Variants in AMPH observed in about 807,000 individuals in gnomAD.
AMPH encodes the protein amphiphysin.
A neutral mutation model predicts 99.1 loss-of-function variants in AMPH; 49 were observed. The observed-to-expected ratio is 0.49, with a 90% confidence interval of 0.39 to 0.63. AMPH has a LOEUF of 0.63. Among genes scored for constraint, AMPH ranks in the 20% least tolerant of loss-of-function variants. AMPH has a pLI of 0.00. For synonymous variants in AMPH, 314 were observed against 317.3 expected (o/e 0.99, Z 0.11); for missense variants, 759 against 863.4 (o/e 0.88, Z 1.52).
At chr7:38,408,725 T>C (rs956728570) in intron 17 of AMPH, among the ~76,000 whole-genome samples, 8 of 133,746 alleles carry the variant, frequency 6.0e-5, no homozygotes, top group African/African-American at 2.3e-4. Flanking sequence ...CACTTCAGCC[T>C]GGGTGACAGA....
At chr7:38,580,209 GA>G (rs1332119370) in intron 1 of AMPH, among the ~76,000 whole-genome samples, 7 of 152,034 alleles carry the variant, frequency 4.6e-5, no homozygotes, top group Non-Finnish European at 7.4e-5. Flanking sequence ...GAGGAAAGAT[GA>G]AAAAAATTAA....
intron 6 of AMPH, among the ~76,000 whole-genome samples, chr7:38,476,091 A>G (rs1584141610): frequency 6.6e-6 from 1 of 152,144 alleles, no homozygotes; most frequent in East Asian, 1.9e-4. Flanking sequence ...GGCATTTGTT[A>G]TTGTGAACTG....
At chr7:38,625,378 G>A (rs1017466997) in intron 1 of AMPH, among the ~76,000 whole-genome samples, 2 of 152,090 alleles carry the variant, frequency 1.3e-5, no homozygotes, top group Non-Finnish European at 2.9e-5. Flanking sequence ...ACTTTTTAAA[G>A]TTCATTTAAA....
intron 1 of AMPH, among the ~76,000 whole-genome samples, chr7:38,570,772 T>C (rs1423055710): frequency 6.7e-6 from 1 of 149,448 alleles, no homozygotes. Flanking sequence ...AAAGAAGGCA[T>C]TGTTGTCCTA....
intron 1 of AMPH, among the ~76,000 whole-genome samples, chr7:38,620,489 T>C (rs928801830): frequency 3.3e-5 from 5 of 150,598 alleles, no homozygotes; most frequent in Non-Finnish European, 5.9e-5. Flanking sequence ...CTGCCATAAG[T>C]TGGGAGATCC....
intron 1 of AMPH, among the ~76,000 whole-genome samples, chr7:38,574,618 T>C (rs1248688518): frequency 6.6e-6 from 1 of 152,166 alleles, no homozygotes; most frequent in Non-Finnish European, 1.5e-5. Context: ...CAAGAATAAA[T>C]ATTTAGGGAT....
intron 1 of AMPH, among the ~76,000 whole-genome samples, chr7:38,557,393 A>G (rs533480341): frequency 6.6e-6 from 1 of 151,942 alleles, no homozygotes; most frequent in Non-Finnish European, 1.5e-5. Context: ...TTGAATCATC[A>G]GGGCGGTTTC....
intron 1 of AMPH, among the ~76,000 whole-genome samples, chr7:38,586,944 G>T (rs1339213804): frequency 6.6e-6 from 1 of 152,064 alleles, no homozygotes; most frequent in Non-Finnish European, 1.5e-5. Flanking sequence ...TTCGAAGTCT[G>T]CATTATTTCT....
At chr7:38,452,162 A>C (rs563083770) in intron 11 of AMPH, among the ~76,000 whole-genome samples, 1 of 151,832 alleles carries the variant, frequency 6.6e-6, no homozygotes, top group African/African-American at 2.4e-5. Flanking sequence ...TTACATTTTG[A>C]GCTTCTGGGC....
chr7:38,460,803 T>G (rs1787408626), intron 11 of AMPH, among the ~76,000 whole-genome samples: 1 of 152,108 alleles, frequency 6.6e-6, no homozygotes, highest in South Asian at 2.1e-4. Context: ...CAGATTAGGG[T>G]GACTGTAGTC....
chr7:38,618,102 G>C (rs933895397), intron 1 of AMPH, among the ~76,000 whole-genome samples: 1 of 152,126 alleles, frequency 6.6e-6, no homozygotes, highest in African/African-American at 2.4e-5. Context: ...TTATTAAACA[G>C]AGTCCATTTC....
chr7:38,534,099 C>T (rs760446332), intron 2 of AMPH, among the ~76,000 whole-genome samples: 22 of 152,042 alleles, frequency 1.4e-4, no homozygotes, highest in Non-Finnish European at 2.8e-4. Context: ...AATTACACCC[C>T]CTGTAAAATT....
At chr7:38,580,360 A>G (rs1792401115) in intron 1 of AMPH, among the ~76,000 whole-genome samples, 1 of 152,188 alleles carries the variant, frequency 6.6e-6, no homozygotes, top group African/African-American at 2.4e-5. Context: ...ACAATGCACA[A>G]TCGCAAAATA....
chr7:38,580,593 C>A (rs1416518592), intron 1 of AMPH, among the ~76,000 whole-genome samples: 1 of 152,114 alleles, frequency 6.6e-6, no homozygotes, highest in East Asian at 1.9e-4. Flanking sequence ...CCACTTTCCT[C>A]AGCCTGTGAT....
chr7:38,396,723 C>T (rs1784681619), intron 17 of AMPH, among the ~76,000 whole-genome samples: 1 of 152,158 alleles, frequency 6.6e-6, no homozygotes, highest in Non-Finnish European at 1.5e-5. Flanking sequence ...TAAGCACCGA[C>T]CTTTTTATGG....
At chr7:38,529,524 C>A (rs1471059971) in intron 2 of AMPH, among the ~76,000 whole-genome samples, 3 of 152,232 alleles carry the variant, frequency 2.0e-5, no homozygotes, top group East Asian at 3.9e-4. Flanking sequence ...CAGGTAACTT[C>A]AAGGCAGCTA....
chr7:38,573,861 T>C (rs1336756660), intron 1 of AMPH, among the ~76,000 whole-genome samples: 1 of 152,248 alleles, frequency 6.6e-6, no homozygotes, highest in Non-Finnish European at 1.5e-5. Flanking sequence ...TAGTAACTAA[T>C]GTAGTAACTC....
At chr7:38,507,686 CAT>C (rs1383549613) in intron 2 of AMPH, among the ~76,000 whole-genome samples, 1 of 152,032 alleles carries the variant, frequency 6.6e-6, no homozygotes, top group African/African-American at 2.4e-5. Context: ...ATGTATTGCA[CAT>C]GTGTGTGCAG....
At chr7:38,557,105 T>C (rs572645556) in intron 1 of AMPH, among the ~76,000 whole-genome samples, 1 of 152,090 alleles carries the variant, frequency 6.6e-6, no homozygotes, top group Admixed American at 6.5e-5. Context: ...GAGGACTGAT[T>C]TGGGGTGGGA....
Sources: gnomAD v4.1 joint callset for allele counts (sites outside exome capture counted in the v4.1 genomes callset) on GRCh38, gnomAD v4.1.1 for gene constraint, MANE v1.5 for transcripts, NCBI Gene and HGNC (gene_info 2026-07-23, HGNC 2026-07-21) for gene names.